The following RUVBL1 variants were observed in gnomAD, a reference collection of about 807,000 sequenced individuals.
RUVBL1 encodes the protein RuvB like AAA ATPase 1.
RUVBL1 carries 4 observed loss-of-function variants against 52.4 expected under a neutral mutation model. The observed-to-expected ratio is 0.08, with a 90% confidence interval of 0.04 to 0.17. The LOEUF is 0.17. RUVBL1 is among the 10% of genes least tolerant of loss of function. RUVBL1 has a pLI of 1.00. For synonymous variants in RUVBL1, 217 were observed against 214.4 expected (o/e 1.01, Z -0.10); for missense variants, 298 against 572.8 (o/e 0.52, Z 4.90).
chr3:128,121,517 C>T (rs1444758616), intron 1 of RUVBL1, among the ~76,000 whole-genome samples: 1 of 151,266 alleles, frequency 6.6e-6, no homozygotes, highest in Non-Finnish European at 1.5e-5. Flanking sequence ...CAAGACCAGC[C>T]TGGTCAACAT....
At chr3:128,134,951 A>G (rs539163085) in intron 1 of RUVBL1, among the ~76,000 whole-genome samples, 22 of 152,358 alleles carry the variant, frequency 1.4e-4, no homozygotes, top group African/African-American at 4.1e-4. Flanking sequence ...AAGAAAGATC[A>G]GGGTAGACAG....
upstream of RUVBL1, among the ~76,000 whole-genome samples, chr3:128,128,557 A>T (rs578254926): frequency 2.6e-5 from 4 of 152,306 alleles, no homozygotes; most frequent in East Asian, 7.7e-4. Flanking sequence ...CTAGAAGGAA[A>T]AAAGGGGAAG....
At chr3:128,115,996 G>A (rs1216849870) in intron 2 of RUVBL1, among the ~76,000 whole-genome samples, 1 of 151,942 alleles carries the variant, frequency 6.6e-6, no homozygotes, top group Non-Finnish European at 1.5e-5. Context: ...GCGTGGTGGT[G>A]TGCACCTGTA....
At chr3:128,077,015 TCGGCCCATCTTATCGCGG>T (rs1942349544), downstream of RUVBL1, among the ~76,000 whole-genome samples, 1 of 151,200 alleles carries the variant, frequency 6.6e-6, no homozygotes, top group Non-Finnish European at 1.5e-5. Flanking sequence ...CAGGCGCCCA[TCGGCCCATCTTATCGCGG>T]CGGCCCAGCC....
chr3:128,150,913 C>CTATATTATATATATAATATATTCTA (rs1559841655), intron 1 of RUVBL1, among the ~76,000 whole-genome samples: 15 of 62,038 alleles, frequency 2.4e-4, no homozygotes, highest in East Asian at 1.9e-3. Flanking sequence ...ATATAATATT[C>CTATATTATATATATAATATATTCTA]TATATTATAT....
chr3:128,077,858 G>A (rs1159472656), downstream of RUVBL1, among the ~76,000 whole-genome samples: 2 of 152,230 alleles, frequency 1.3e-5, no homozygotes, highest in Non-Finnish European at 2.9e-5. Context: ...AAGTGGGCCA[G>A]GAATCAGGAA....
In RUVBL1 at chr3:128,117,080, G is replaced by A. The variant is rs141947432; in HGVS notation, c.228+2248C>T. 1.9e-3 allele frequency among the ~76,000 whole-genome samples: 292 copies of A among 152,076 alleles called. 1 individual carries two copies. The highest frequency in any genetic ancestry group is 6.6e-3 in the African/African-American group (272 of 41,468). On this transcript the variant is annotated intron_variant, in intron 2 of 10. Coordinates refer to ENST00000322623, the MANE Select transcript of RUVBL1 (RefSeq NM_003707.3). ...GCTATCTAGGTATAGGGTATAGAGGGGCTCATCACACTATTCTTTCAAGTT... is the reference window on the plus strand; with the variant it reads ...GCTATCTAGGTATAGGGTATAGAGGAGCTCATCACACTATTCTTTCAAGTT...
chr3:128,126,201 TTGTGTG>T (rs10576695), upstream of RUVBL1, among the ~76,000 whole-genome samples: 1,811 of 147,582 alleles, frequency 0.012, 22 homozygotes, highest in Admixed American at 0.022. Flanking sequence ...AGTTGTTCCT[TTGTGTG>T]TGTGTGTGTG....
At chr3:128,119,850 G>A (rs1032534599) in intron 1 of RUVBL1, among the ~76,000 whole-genome samples, 1 of 152,198 alleles carries the variant, frequency 6.6e-6, no homozygotes, top group African/African-American at 2.4e-5. Flanking sequence ...GGACAGAAAG[G>A]TTGCAGTGAC....
chr3:128,066,360 G>A (rs1203453444), intron 9 of RUVBL1, among the ~76,000 whole-genome samples: 1 of 151,868 alleles, frequency 6.6e-6, no homozygotes, highest in Non-Finnish European at 1.5e-5. Flanking sequence ...GATGTAATGT[G>A]ATAGGCTCTG....
chr3:128,133,119 C>G (rs1348467548), intron 1 of RUVBL1, among the ~76,000 whole-genome samples: 2 of 152,088 alleles, frequency 1.3e-5, no homozygotes, highest in Non-Finnish European at 2.9e-5. Context: ...TTGCTATAGG[C>G]CTGGGTTGGT....
rs1438474891 is a variant in RUVBL1 at position 128,082,374 on chromosome 3, A to G, written c.1211+109T>C. On this transcript the variant is annotated intron_variant, in intron 10 of 10. Coordinates refer to ENST00000322623, the MANE Select transcript of RUVBL1 (RefSeq NM_003707.3). The surrounding 1 kb of genome is among the most constrained non-coding windows in gnomAD (Gnocchi z 4.7). ...CCATCGCGCCAGGAAGAGCGGATGG[A>G]TAGAGTCCCATGCCCTAGGAAGGGA... The G allele has an allele frequency of 3.8e-6, 3 of 794,536 alleles. No homozygotes were observed. Among genetic ancestry groups the G allele is most frequent in the Non-Finnish European group, 6.5e-6 (3 of 462,858 alleles). 49.2% of individuals were successfully genotyped at this position (794,536 alleles called of 1,614,324 possible). A position where few individuals can be genotyped will look rare whatever the true frequency, so the allele number is the denominator to read the frequency against.
chr3:128,089,421 T>A lies in RUVBL1; in HGVS notation c.1017-1613A>T, dbSNP rs563276719. Among the ~76,000 whole-genome samples the A allele has an allele frequency of 4.6e-5, 7 of 152,376 alleles. No homozygotes were observed. In the East Asian group the frequency reaches 1.3e-3, roughly 29 times the overall value. ...TACACTTCTGGCATTCTTAAACTTG[T>A]GCAGGATTGTACAGTCTATGGTTAT... On this transcript the variant is annotated intron_variant, in intron 8 of 10. Coordinates refer to ENST00000322623, the MANE Select transcript of RUVBL1 (RefSeq NM_003707.3).
chr3:128,094,664 G>A (rs1027059261), intron 8 of RUVBL1, among the ~76,000 whole-genome samples: 14 of 152,200 alleles, frequency 9.2e-5, no homozygotes, highest in African/African-American at 2.9e-4. Flanking sequence ...TTGTCAGGGT[G>A]TCCTGGGAGG....
At chr3:128,137,477 A>G in intron 1 of RUVBL1, among the ~76,000 whole-genome samples, 1 of 152,336 alleles carries the variant, frequency 6.6e-6, no homozygotes, top group East Asian at 1.9e-4. Context: ...ACAACCTGCC[A>G]AGATTGAACC....
chr3:128,098,849 C>T (rs1258812997), intron 7 of RUVBL1, 33 bp downstream of exon 7: 1 of 1,599,698 alleles, frequency 6.3e-7, no homozygotes, highest in Admixed American at 1.7e-5. Flanking sequence ...CTCCGCCCTG[C>T]CCCTTGCTCA....
chr3:128,139,948 A>G (rs1943995355), intron 1 of RUVBL1, among the ~76,000 whole-genome samples: 1 of 152,174 alleles, frequency 6.6e-6, no homozygotes, highest in South Asian at 2.1e-4. Context: ...GAATGAATAA[A>G]ATCTAGTGTT....
At chr3:128,114,815 CA>C (rs571187028) in intron 2 of RUVBL1, among the ~76,000 whole-genome samples, 33 of 150,462 alleles carry the variant, frequency 2.2e-4, no homozygotes, top group African/African-American at 6.9e-4. Context: ...CCCGTGGGGC[CA>C]CAGGCTGGAC....
chr3:128,105,111 CTTTT>C (rs34719630), intron 3 of RUVBL1, among the ~76,000 whole-genome samples, 187 bp from the exon 4 acceptor site: 3 of 134,042 alleles, frequency 2.2e-5, no homozygotes, highest in Non-Finnish European at 1.6e-5. Flanking sequence ...AGAAATGCAA[CTTTT>C]TTTTTTTTTT....
Sources: gnomAD v4.1 joint callset for allele counts (sites outside exome capture counted in the v4.1 genomes callset) on GRCh38, gnomAD v4.1.1 for gene constraint, Gnocchi (gnomAD v3.1) non-coding constraint, MANE v1.5 for transcripts, NCBI Gene and HGNC (gene_info 2026-07-23, HGNC 2026-07-21) for gene names.